TTC21A: variants seen among roughly 807,000 people sequenced by gnomAD.
TTC21A encodes the protein tetratricopeptide repeat protein 21A.
Under a neutral mutation model 156.4 loss-of-function variants are expected in TTC21A, and 128 were observed. That is an observed-to-expected ratio of 0.82 (90% CI 0.71 to 0.95). The LOEUF is 0.95. Among genes scored for constraint, TTC21A ranks in the 40% least tolerant of loss-of-function variants. The pLI is 0.00. For missense variants in TTC21A, 1,435 were observed against 1,602.3 expected, an observed-to-expected ratio of 0.90 and a Z score of 1.78; for synonymous variants, 587 against 617.1, an observed-to-expected ratio of 0.95 and a Z score of 0.72.
Position 39,137,266 on chromosome 3 carries a change from C to T in TTC21A, c.3329C>T (p.Pro1110Leu), listed in dbSNP as rs994390641. ...TAEKLLREFY[P>L]HSDSSQTQLR... The stretch of plus-strand genomic sequence containing the variant: ...GAGAAACTGCTGCGTGAGTTTTACC[C>T]ACATTCAGACTCCAGCCAGACCCAG... Residue 1110 changes from proline to leucine, a missense_variant, in exon 25 of 29, where the codon CCA (proline) becomes CTA (leucine). Transcript: ENST00000683103. 1 of 1,614,164 alleles carries T rather than the reference C, an allele frequency of 6.2e-7. No homozygotes were observed. Among genetic ancestry groups the T allele is most frequent in the Non-Finnish European group, 8.5e-7 (1 of 1,180,030 alleles).
At position 39,126,350 on chromosome 3, in the gene TTC21A, C is replaced by T. The variant is rs748337907; in HGVS notation, c.1482C>T (p.Ile494=). The T allele has an allele frequency of 7.4e-6, 12 of 1,613,900 alleles. No individual in the cohort carries two copies. The Admixed American group carries it at 8.3e-5, about 11-fold the overall frequency. Residue 494 remains isoleucine, a synonymous_variant, in exon 12 of 29, where the codon ATC becomes ATT. Coordinates refer to ENST00000683103, the MANE Select transcript of TTC21A (RefSeq NM_001366900.1). ...TAGTCAAAGCAGCACCAGCTCTGATCGACCCCCTGTATTTGATGGCTCAGG... is the reference window on the plus strand; with the variant it reads ...TAGTCAAAGCAGCACCAGCTCTGATTGACCCCCTGTATTTGATGGCTCAGG... ...NPVVKAAPAL[I]DPLYLMAQVR...
At chr3:39,136,623 A>G in intron 23 of TTC21A, 116 bp downstream of exon 23, 1 of 1,328,826 alleles carries the variant, frequency 7.5e-7, no homozygotes, top group Non-Finnish European at 1.0e-6. Context: ...GGACACCCGG[A>G]CCCAGCAAGT....
chr3:39,122,481 T>G (rs1202197128), intron 9 of TTC21A, among the ~76,000 whole-genome samples: 1 of 152,148 alleles, frequency 6.6e-6, no homozygotes, highest in African/African-American at 2.4e-5. Flanking sequence ...AGCTAAAGAA[T>G]TTAGTAGACC....
chr3:39,130,591 G>A lies in TTC21A; in HGVS notation c.2320-110G>A. On this transcript the variant is annotated intron_variant, in intron 17 of 28. Coordinates refer to ENST00000683103, the MANE Select transcript of TTC21A (RefSeq NM_001366900.1). This position sits in a 1 kb window ranked among gnomAD's most constrained non-coding sequence, Gnocchi z 4.5. The stretch of plus-strand genomic sequence containing the variant: ...CTGGGAGGAGTGCCTTTTCACTTTA[G>A]GCTATGTTCTGGAGGGGCACACTGG... 1 of 1,403,076 alleles carries A rather than the reference G, an allele frequency of 7.1e-7. No homozygotes were observed. Among genetic ancestry groups the A allele is most frequent in the South Asian group, 1.3e-5 (1 of 76,864 alleles). 86.9% of individuals were successfully genotyped at this position (1,403,076 alleles called of 1,614,324 possible).
chr3:39,120,900 G>A, intron 8 of TTC21A, 97 bp from the exon 9 acceptor site: 1 of 1,139,930 alleles, frequency 8.8e-7, no homozygotes, highest in East Asian at 2.5e-5. Flanking sequence ...GGGCCTACCA[G>A]CCCTGCCTAC....
intron 7 of TTC21A, 80 bp downstream of exon 7, chr3:39,118,233 A>G: frequency 2.1e-6 from 3 of 1,428,378 alleles, no homozygotes; most frequent in Non-Finnish European, 3.0e-6. Context: ...CACCTGACCC[A>G]AAGCCCTTGT....
At chr3:39,112,417 C>G (rs2036912945) in intron 4 of TTC21A, 41 bp from the exon 5 acceptor site, 5 of 1,607,552 alleles carry the variant, frequency 3.1e-6, no homozygotes. Flanking sequence ...TGATTCTGTG[C>G]AGGACCAAGG....
intron 23 of TTC21A, 180 bp downstream of exon 23, chr3:39,136,687 G>T: frequency 4.1e-6 from 4 of 976,608 alleles, no homozygotes; most frequent in East Asian, 2.6e-5. Context: ...AGAGCCTGCA[G>T]CCTCTGGATG....
At position 39,137,691 on chromosome 3, in the gene TTC21A, G is replaced by A. The variant is rs533933371; in HGVS notation, c.3656G>A (p.Arg1219His). The change falls in exon 26 of 29, where the codon CGC becomes CAC. Residue 1219 changes from arginine (R) to histidine (H), a missense_variant. By Grantham distance (29) the Arg-to-His change is conservative. Transcript: ENST00000683103. ...KFDLALELLRRCVQYNKSCYK... is the reference protein window; with the variant it reads ...KFDLALELLRHCVQYNKSCYK... ...GACCTCGCCTTAGAACTGCTGCGGC[G>A]CTGTGTGCAATACAACAAGGCAAGG... The A allele has an allele frequency of 8.1e-6, 13 of 1,612,754 alleles. No individual in the cohort carries two copies. The highest frequency in any genetic ancestry group is 2.7e-5 in the African/African-American group (2 of 75,018).
At chr3:39,110,243 C>T in intron 3 of TTC21A, 104 bp downstream of exon 3, 1 of 848,168 alleles carries the variant, frequency 1.2e-6, no homozygotes, top group Non-Finnish European at 2.0e-6. Context: ...GGTATGTGCC[C>T]TGGTGGCTGT....
Position 39,110,985 on chromosome 3 carries a change from C to T in TTC21A, c.403C>T (p.Arg135Cys), listed in dbSNP as rs911128334. Reference protein sequence around the residue: ...RHDKAKEYIDRMLKISRGFRE... With the variant: ...RHDKAKEYIDCMLKISRGFRE... Reference sequence around the variant, plus strand: ...TGACAAGGCCAAAGAGTACATTGACCGCATGCTGAAGATTTCTAGAGGCTT... The same window carrying T: ...TGACAAGGCCAAAGAGTACATTGACTGCATGCTGAAGATTTCTAGAGGCTT... The change falls in exon 4 of 29, where the codon CGC becomes TGC. Residue 135 changes from arginine to cysteine, a missense_variant. Physicochemically the swap from Arg to Cys is radical, Grantham distance 180 (BLOSUM62 -3). Coordinates refer to ENST00000683103, the MANE Select transcript of TTC21A (RefSeq NM_001366900.1). 2.5e-6 allele frequency: 4 copies of T among 1,612,426 alleles called. No individual in the cohort carries two copies. The highest frequency in any genetic ancestry group is 2.2e-5 in the South Asian group (2 of 91,002).
In TTC21A at chr3:39,126,520, A is replaced by ACTCT. The variant is rs1249900644; in HGVS notation, c.1522+132_1522+135dup. Reference sequence around the variant, plus strand: ...CACACACACACACACACACACACACACTCTCCTTGCCTGGGGTACTACGCA... The same window carrying ACTCT: ...CACACACACACACACACACACACACACTCTCTCTCCTTGCCTGGGGTACTACGCA... On this transcript the variant is annotated intron_variant, in intron 12 of 28. Coordinates refer to ENST00000683103, the MANE Select transcript of TTC21A (RefSeq NM_001366900.1). 7 of 821,724 alleles carry ACTCT rather than the reference A, an allele frequency of 8.5e-6. No individual in the cohort carries two copies. In the African/African-American group the frequency reaches 1.4e-4, roughly 16 times the overall value. The allele number at this position is 821,724 out of a possible 1,614,324, so 50.9% of individuals were successfully genotyped here.
rs1273674813 is a variant in TTC21A at position 39,137,021 on chromosome 3, T to G, written c.3218T>G (p.Val1073Gly). The change falls in exon 24 of 29, where the codon GTG (valine) becomes GGG (glycine). Residue 1073 changes from valine to glycine, a missense_variant. Val to Gly is a moderately radical substitution (Grantham distance 109). Coordinates refer to ENST00000683103, the MANE Select transcript of TTC21A (RefSeq NM_001366900.1). ...QICLNPDNEV[V>G]GGEAFENQGA... ...TGTCTGAATCCAGACAACGAGGTTG[T>G]GGGCGGAGAGGCTTTTGAGAACCAG... 3 of 1,613,136 alleles carry G rather than the reference T, an allele frequency of 1.9e-6. No individual in the cohort carries two copies. The highest frequency in any genetic ancestry group is 2.5e-6 in the Non-Finnish European group (3 of 1,179,816).
rs1559662282 is a variant in TTC21A, at chr3:39,109,114, G to C, written c.57G>C (p.Lys19Asn). 3 of 1,614,148 alleles carry C rather than the reference G, an allele frequency of 1.9e-6. No homozygotes were observed. The highest frequency in any genetic ancestry group is 1.7e-6 in the Non-Finnish European group (2 of 1,179,972). Residue 19 changes from lysine to asparagine, a missense_variant, in exon 2 of 29, where the codon AAG becomes AAC. Lys to Asn is a moderately conservative substitution (Grantham distance 94). Coordinates refer to ENST00000683103, the MANE Select transcript of TTC21A (RefSeq NM_001366900.1). ...MAGIIYYSQEKYFHHVQQAAA... is the reference protein window; with the variant it reads ...MAGIIYYSQENYFHHVQQAAA... ...GGATCATTTACTATAGCCAGGAAAA[G>C]TACTTCCACCATGTGCAGCAGGCTG...
chr3:39,121,314 A>G, intron 9 of TTC21A, 125 bp downstream of exon 9: 1 of 781,638 alleles, frequency 1.3e-6, no homozygotes, highest in East Asian at 2.6e-5. Context: ...TTGGGGTACA[A>G]TGTATGATGG....
intron 19 of TTC21A, chr3:39,131,598 T>G (rs1302489811): frequency 1.3e-5 from 2 of 153,710 alleles, no homozygotes; most frequent in Non-Finnish European, 2.9e-5. Flanking sequence ...TTCATACATT[T>G]TCTACAGTTC....
chr3:39,132,594 T>A (rs914551866), intron 19 of TTC21A: 1 of 176,276 alleles, frequency 5.7e-6, no homozygotes, highest in African/African-American at 2.4e-5. Flanking sequence ...CCTGGCATCA[T>A]CATTTCCTCT....
intron 12 of TTC21A, 85 bp downstream of exon 12, chr3:39,126,475 TACACACACACACACAC>T (rs59925253): frequency 0.027 from 14,215 of 520,440 alleles, 226 homozygotes; most frequent in East Asian, 0.14. Context: ...CCTAGGATAC[TACACACACACACACAC>T]ACACACACAC....
At position 39,107,732 on chromosome 3, in the gene TTC21A, A is replaced by C; in HGVS notation, c.-106A>C. 1 of 1,523,316 alleles carries C rather than the reference A, an allele frequency of 6.6e-7. No individual in the cohort carries two copies. Among genetic ancestry groups the C allele is most frequent in the Non-Finnish European group, 9.0e-7 (1 of 1,107,262 alleles). The allele number at this position is 1,523,316 out of a possible 1,614,324, so 94.4% of individuals were successfully genotyped here. A position where few individuals can be genotyped will look rare whatever the true frequency, so the allele number is the denominator to read the frequency against. On this transcript the variant is annotated 5_prime_UTR_variant, in exon 1 of 29. Coordinates refer to ENST00000683103, the MANE Select transcript of TTC21A (RefSeq NM_001366900.1). ...TAGCAGCTCGGTTTCCAAGGACTGT[A>C]ACGCCTTCAACCGCCCGCCGCGATA...
Sources: allele counts gnomAD v4.1 joint callset (sites outside exome capture counted in the v4.1 genomes callset), GRCh38; gene constraint gnomAD v4.1.1; non-coding constraint Gnocchi (gnomAD v3.1); transcripts MANE v1.5; gene names NCBI Gene and HGNC (gene_info 2026-07-23, HGNC 2026-07-21).